Variants in CCDC144A observed in about 807,000 individuals in gnomAD.
CCDC144A encodes the protein coiled-coil domain containing 144A.
CCDC144A carries 41 observed loss-of-function variants against 143.8 expected under a neutral mutation model. The observed-to-expected ratio is 0.29, with a 90% CI of 0.22 to 0.37. The LOEUF (loss-of-function observed/expected upper bound fraction) is 0.37. Ranked by LOEUF, CCDC144A falls within the 10% of genes least tolerant of loss-of-function variation. CCDC144A has a pLI of 1.00. For missense variants in CCDC144A, 637 were observed against 1,488.8 expected, an observed-to-expected ratio of 0.43 and a Z score of 9.41; for synonymous variants, 242 against 517.9, an observed-to-expected ratio of 0.47 and a Z score of 7.23.
the CCDC144A span, among the ~76,000 whole-genome samples, chr17:16,681,139 G>T: frequency 6.6e-6 from 1 of 151,954 alleles, no homozygotes; most frequent in African/African-American, 2.4e-5. Context: ...AATAAATTTA[G>T]ATAGTTTACA....
intron 12 of CCDC144A, chr17:16,746,877 C>T: frequency 1.9e-5 from 13 of 687,396 alleles, no homozygotes; most frequent in South Asian, 1.3e-4. Flanking sequence ...CCCTTCTCTC[C>T]CTTCTCTCCC....
intron 12 of CCDC144A, among the ~76,000 whole-genome samples, chr17:16,755,418 A>G (rs1915030358): frequency 6.6e-6 from 1 of 151,592 alleles, no homozygotes; most frequent in Non-Finnish European, 1.5e-5. Flanking sequence ...TGAGTCTTAC[A>G]GTTTTTTGAT....
chr17:16,716,591 A>G (rs868267200), intron 6 of CCDC144A, among the ~76,000 whole-genome samples: 30 of 152,238 alleles, frequency 2.0e-4, no homozygotes, highest in African/African-American at 6.5e-4. Context: ...TGAACAATAT[A>G]TAATGACTAT....
At chr17:16,682,979 G>GCAA in the CCDC144A span, among the ~76,000 whole-genome samples, 2 of 127,706 alleles carry the variant, frequency 1.6e-5, no homozygotes, top group African/African-American at 5.9e-5. Context: ...TCAGCTCACT[G>GCAA]CAACCTCTGC....
At chr17:16,751,517 C>G (rs1372076145) in intron 12 of CCDC144A, among the ~76,000 whole-genome samples, 1 of 152,184 alleles carries the variant, frequency 6.6e-6, no homozygotes, top group Non-Finnish European at 1.5e-5. Flanking sequence ...CGAGAGATAA[C>G]CCCCTCACCA....
rs113734367 is a variant in CCDC144A, at chr17:16,709,638, A to C, written c.1578+3A>C. ...AAGATGTTCAACTTCATAAAGATGT[A>C]GGGTTTTACTTGCTGCCACTCTTTG... On this transcript the variant is annotated splice_donor_region_variant and intron_variant, in intron 5 of 16. Coordinates refer to ENST00000399273, the MANE Select transcript of CCDC144A (RefSeq NM_001382000.1). 6.2e-7 allele frequency: 1 copy of C among 1,610,710 alleles called. No homozygotes were observed. The highest frequency in any genetic ancestry group is 8.5e-7 in the Non-Finnish European group (1 of 1,179,472).
At chr17:16,764,231 AT>A in intron 15 of CCDC144A, 56 bp downstream of exon 15, 8 of 1,563,984 alleles carry the variant, frequency 5.1e-6, no homozygotes, top group Non-Finnish European at 6.1e-6. Context: ...CTTGTATGTT[AT>A]TTGGTAAAAT....
rs1213454249 is a variant in CCDC144A at position 16,708,188 on chromosome 17, A to G, written c.739-608A>G. Among the ~76,000 whole-genome samples, 6 of 152,318 alleles carry G rather than the reference A, an allele frequency of 3.9e-5. 1 individual carries two copies. The South Asian group carries it at 8.3e-4, about 21-fold the overall frequency. On this transcript the variant is annotated intron_variant, in intron 4 of 16. Coordinates refer to ENST00000399273, the MANE Select transcript of CCDC144A (RefSeq NM_001382000.1). ...GTAAGTGTTATTAGGGGACCATAGTATATATTAGAACAGAACTGAAGAAGA... is the reference window on the plus strand; with the variant it reads ...GTAAGTGTTATTAGGGGACCATAGTGTATATTAGAACAGAACTGAAGAAGA...
At chr17:16,745,155 A>T (rs1260280966) in intron 12 of CCDC144A, among the ~76,000 whole-genome samples, 1 of 151,502 alleles carries the variant, frequency 6.6e-6, no homozygotes, top group African/African-American at 2.4e-5. Context: ...GGCATGGCTG[A>T]CTCACAAAGG....
At chr17:16,723,371 A>G (rs1913204828) in intron 8 of CCDC144A, among the ~76,000 whole-genome samples, 1 of 151,896 alleles carries the variant, frequency 6.6e-6, no homozygotes, top group South Asian at 2.1e-4. Flanking sequence ...AGTAATTTGC[A>G]TCTTCTTTTT....
At chr17:16,733,712 A>G (rs1373137426) in intron 11 of CCDC144A, among the ~76,000 whole-genome samples, 6 of 151,492 alleles carry the variant, frequency 4.0e-5, no homozygotes, top group African/African-American at 1.5e-4. Context: ...CACAACACAG[A>G]AGTAATTGTG....
Position 16,721,227 on chromosome 17 carries a change from G to A in CCDC144A, c.1891+569G>A, listed in dbSNP as rs1287991696. On this transcript the variant is annotated intron_variant, in intron 8 of 16. Coordinates refer to ENST00000399273, the MANE Select transcript of CCDC144A (RefSeq NM_001382000.1). ...ATAACTGATATGTGATAGACTGCAC[G>A]TATATAAAATATACAATCGTGTGCA... Among the ~76,000 whole-genome samples the A allele has an allele frequency of 4.6e-5, 7 of 151,968 alleles. No homozygotes were observed. The East Asian group carries it at 9.6e-4, about 21-fold the overall frequency.
intron 13 of CCDC144A, 135 bp from the exon 14 acceptor site, chr17:16,762,178 T>C: frequency 7.2e-7 from 1 of 1,386,256 alleles, no homozygotes; most frequent in East Asian, 2.6e-5. Context: ...CTTCACATTT[T>C]TCTTAAAATT....
At chr17:16,704,566 G>T (rs1429779418) in intron 2 of CCDC144A, among the ~76,000 whole-genome samples, 1 of 151,706 alleles carries the variant, frequency 6.6e-6, no homozygotes, top group Non-Finnish European at 1.5e-5. Context: ...GTGCTATTTG[G>T]ATCTAGTGTG....
At chr17:16,710,015 G>A (rs1217606728) in intron 5 of CCDC144A, 3 of 227,226 alleles carry the variant, frequency 1.3e-5, no homozygotes, top group Non-Finnish European at 2.6e-5. Flanking sequence ...TGGGAATACA[G>A]TAGAAAGGAA....
intron 9 of CCDC144A, among the ~76,000 whole-genome samples, chr17:16,729,859 A>G (rs1395255215): frequency 1.4e-5 from 2 of 140,324 alleles, no homozygotes; most frequent in Non-Finnish European, 3.1e-5. Context: ...TCTGTCTCAA[A>G]AAAAAAAAAT....
intron 8 of CCDC144A, among the ~76,000 whole-genome samples, chr17:16,723,922 TTTC>T (rs1156418963): frequency 6.6e-6 from 1 of 152,132 alleles, no homozygotes; most frequent in Non-Finnish European, 1.5e-5. Flanking sequence ...CTTTTTTTAG[TTTC>T]TTAAGATAAA....
At chr17:16,753,583 GT>G in intron 12 of CCDC144A, among the ~76,000 whole-genome samples, 1 of 151,772 alleles carries the variant, frequency 6.6e-6, no homozygotes, top group East Asian at 1.9e-4. Context: ...GTATAGAAAT[GT>G]TACACATGCT....
chr17:16,728,989 G>T (rs1228634391), intron 9 of CCDC144A, among the ~76,000 whole-genome samples: 2 of 152,044 alleles, frequency 1.3e-5, no homozygotes, highest in African/African-American at 4.8e-5. Context: ...CCATTCATTG[G>T]TTGATGGACC....
Sources: allele counts gnomAD v4.1 joint callset (sites outside exome capture counted in the v4.1 genomes callset), GRCh38; gene constraint gnomAD v4.1.1; transcripts MANE v1.5; gene names NCBI Gene and HGNC (gene_info 2026-07-23, HGNC 2026-07-21).